TNFAIP8: variants seen among roughly 807,000 people sequenced by gnomAD.
The protein encoded by TNFAIP8 is tumor necrosis factor alpha-induced protein 8.
A neutral mutation model predicts 13.3 loss-of-function variants in TNFAIP8; 7 were observed. The ratio of observed to expected loss-of-function variants is 0.52; its 90% CI spans 0.30 to 0.99. The LOEUF (loss-of-function observed/expected upper bound fraction) is 0.99, where lower values mean the gene tolerates loss of function less well. Among genes scored for constraint, TNFAIP8 ranks in the 50% least tolerant of loss-of-function variants. The pLI is 0.07. For missense variants in TNFAIP8, 258 were observed against 236.9 expected, an observed-to-expected ratio of 1.09 and a Z score of -0.58; for synonymous variants, 94 against 87.6, an observed-to-expected ratio of 1.07 and a Z score of -0.41.
At chr5:119,313,869 C>T (rs1365333381) in intron 1 of TNFAIP8, among the ~76,000 whole-genome samples, 1 of 152,234 alleles carries the variant, frequency 6.6e-6, no homozygotes, top group Non-Finnish European at 1.5e-5. Flanking sequence ...AAAGTGTATG[C>T]TGCTGACCAA....
chr5:119,371,955 G>C (rs1752090758), intron 1 of TNFAIP8, among the ~76,000 whole-genome samples: 1 of 151,610 alleles, frequency 6.6e-6, no homozygotes, highest in African/African-American at 2.4e-5. Context: ...GGATAACACA[G>C]TGAAACCCCG....
At chr5:119,362,213 G>A (rs1003295131) in intron 1 of TNFAIP8, among the ~76,000 whole-genome samples, 14 of 152,182 alleles carry the variant, frequency 9.2e-5, no homozygotes, top group African/African-American at 2.9e-4. Flanking sequence ...AAATGGAGAA[G>A]AGAAAAAGAA....
At chr5:119,324,229 C>G (rs1219959719) in intron 1 of TNFAIP8, among the ~76,000 whole-genome samples, 1 of 127,280 alleles carries the variant, frequency 7.9e-6, no homozygotes, top group African/African-American at 3.0e-5. Flanking sequence ...GAGCCGAGAT[C>G]GCGCCACTGC....
chr5:119,325,786 G>A (rs61683755), intron 1 of TNFAIP8, among the ~76,000 whole-genome samples: 8,727 of 152,140 alleles, frequency 0.057, 854 homozygotes, highest in African/African-American at 0.2. Context: ...CCTTGCTTCC[G>A]TCACTGTAGC....
At position 119,392,898 on chromosome 5, in the gene TNFAIP8, C is replaced by G; in HGVS notation, c.114C>G (p.Ile38Met). Residue 38 changes from isoleucine (I) to methionine (M), a missense_variant, in exon 2 of 2, where the codon ATC (isoleucine) becomes ATG (methionine). Coordinates refer to ENST00000504771, the MANE Select transcript of TNFAIP8 (RefSeq NM_014350.4). ...TGGGTAAAATGGTGTCCAAATCCAT[C>G]GCCACCACCTTAATAGACGACACAA... The part of the protein sequence containing the change: ...KILGKMVSKS[I>M]ATTLIDDTSS... The G allele has an allele frequency of 1.9e-6, 3 of 1,589,632 alleles. No homozygotes were observed. The highest frequency in any genetic ancestry group is 2.6e-6 in the Non-Finnish European group (3 of 1,168,020).
At chr5:119,351,788 C>CTTTTTCTTTTTTTTT (rs1751165710), upstream of TNFAIP8, among the ~76,000 whole-genome samples, 1 of 138,240 alleles carries the variant, frequency 7.2e-6, no homozygotes, top group African/African-American at 3.0e-5. Context: ...TTTTCTTTTT[C>CTTTTTCTTTTTTTTT]TTTTTTTCTT....
At position 119,388,039 on chromosome 5, in the gene TNFAIP8, A is replaced by C. The variant is rs1015774851; in HGVS notation, c.32-4777A>C. On this transcript the variant is annotated intron_variant, in intron 1 of 1. Transcript: ENST00000504771. ...GTTTACATCTTAGTTGCTTCCCAGG[A>C]CATGCCTTAGGTATCCCTCTGGCAC... Among the ~76,000 whole-genome samples the C allele has an allele frequency of 7.9e-5, 12 of 152,348 alleles. No individual in the cohort carries two copies. In the South Asian group the frequency reaches 8.3e-4, roughly 11 times the overall value.
chr5:119,309,388 T>C (rs926082983), intron 1 of TNFAIP8, among the ~76,000 whole-genome samples: 1 of 152,218 alleles, frequency 6.6e-6, no homozygotes, highest in African/African-American at 2.4e-5. Flanking sequence ...ATTTCAATCC[T>C]TTTTTGGTTT....
intron 1 of TNFAIP8, among the ~76,000 whole-genome samples, chr5:119,307,247 T>C (rs1179786538): frequency 6.6e-6 from 1 of 152,242 alleles, no homozygotes; most frequent in East Asian, 1.9e-4. Context: ...TATACTATGG[T>C]TTAAGAATTC....
rs1371078145 is a variant in TNFAIP8 at position 119,397,555 on chromosome 5, C to T, written c.*4174C>T. ...TCTAGGTGATTTGTTAAACTCATAG[C>T]AGGTTTTAGTACACAGTGCTGTTTA... On this transcript the variant is annotated 3_prime_UTR_variant, in exon 2 of 2. Coordinates refer to ENST00000504771, the MANE Select transcript of TNFAIP8 (RefSeq NM_014350.4). The T allele has an allele frequency of 3.3e-5, 5 of 152,188 alleles. No homozygotes were observed. Among genetic ancestry groups the T allele is most frequent in the African/African-American group, 1.2e-4 (5 of 41,442 alleles). The allele number at this position is 152,188 out of a possible 1,614,324, so 9.4% of individuals were successfully genotyped here.
intron 1 of TNFAIP8, chr5:119,333,556 C>A: frequency 6.5e-7 from 1 of 1,535,172 alleles, no homozygotes; most frequent in South Asian, 1.2e-5. Context: ...ATGCATTCCT[C>A]AAGTCTGTAT....
chr5:119,291,036 C>T (rs1310890062), intron 1 of TNFAIP8, among the ~76,000 whole-genome samples: 1 of 152,146 alleles, frequency 6.6e-6, no homozygotes, highest in Non-Finnish European at 1.5e-5. Context: ...CATATTTTAG[C>T]TTTAGTTTGT....
At chr5:119,375,461 T>C in intron 1 of TNFAIP8, among the ~76,000 whole-genome samples, 1 of 152,216 alleles carries the variant, frequency 6.6e-6, no homozygotes, top group East Asian at 1.9e-4. Context: ...ATAACATTGA[T>C]TGGTTGTGTT....
chr5:119,398,866 T>G lies in TNFAIP8; in HGVS notation c.*5485T>G, dbSNP rs1345188029. On this transcript the variant is annotated 3_prime_UTR_variant, in exon 2 of 2. Coordinates refer to ENST00000504771, the MANE Select transcript of TNFAIP8 (RefSeq NM_014350.4). ...GGTTTCGTCTTCCTAGAAATGGACT[T>G]TTATTAGGCCAGCAAGAATGACCAC... is the stretch of plus-strand genomic sequence containing the variant. 6.6e-6 allele frequency: 1 copy of G among 152,184 alleles called. No individual in the cohort carries two copies. The highest frequency in any genetic ancestry group is 6.5e-5 in the Admixed American group (1 of 15,280). The allele number at this position is 152,184 out of a possible 1,614,324, so 9.4% of individuals were successfully genotyped here. A position where few individuals can be genotyped will look rare whatever the true frequency, so the allele number is the denominator to read the frequency against.
At position 119,398,439 on chromosome 5, in the gene TNFAIP8, G is replaced by T. The variant is rs536176798; in HGVS notation, c.*5058G>T. On this transcript the variant is annotated 3_prime_UTR_variant, in exon 2 of 2. Transcript: ENST00000504771. ...CTCATGCCTGTAATCCCAACACTTC[G>T]GGAGACTGAGGTGGGCGGATCACCT... The T allele has an allele frequency of 1.3e-5, 2 of 152,244 alleles. No individual in the cohort carries two copies. The highest frequency in any genetic ancestry group is 4.2e-4 in the South Asian group (2 of 4,818). 9.4% of individuals were successfully genotyped at this position (152,244 alleles called of 1,614,324 possible).
chr5:119,382,547 C>G (rs1752525145), intron 1 of TNFAIP8, among the ~76,000 whole-genome samples: 1 of 152,192 alleles, frequency 6.6e-6, no homozygotes, highest in Non-Finnish European at 1.5e-5. Context: ...TTTACAGTAT[C>G]TACCATAATA....
At chr5:119,371,205 A>G (rs1485672506) in intron 1 of TNFAIP8, among the ~76,000 whole-genome samples, 3 of 152,296 alleles carry the variant, frequency 2.0e-5, no homozygotes, top group East Asian at 1.9e-4. Context: ...AGTATTTGCT[A>G]TAGAATATAC....
intron 1 of TNFAIP8, among the ~76,000 whole-genome samples, chr5:119,335,548 G>A (rs1750525521): frequency 1.3e-5 from 2 of 152,048 alleles, no homozygotes; most frequent in African/African-American, 4.8e-5. Context: ...CCATCCCAAT[G>A]GCAGAGAGAG....
At position 119,333,743 on chromosome 5, in the gene TNFAIP8, G is replaced by A. The variant is rs985404322; in HGVS notation, c.2-59073G>A. The A allele has an allele frequency of 3.1e-6, 3 of 966,926 alleles. No individual in the cohort carries two copies. In the African/African-American group the frequency reaches 4.8e-5, roughly 15 times the overall value. 59.9% of individuals were successfully genotyped at this position (966,926 alleles called of 1,614,324 possible). ...GCTGTCTTCAAGGAAATAATGTTTGGTCGTGGCTTTAGAGCTACTGTGTTC... is the reference window on the plus strand; with the variant it reads ...GCTGTCTTCAAGGAAATAATGTTTGATCGTGGCTTTAGAGCTACTGTGTTC... On this transcript the variant is annotated intron_variant, in intron 1 of 1. Coordinates refer to the TNFAIP8 transcript ENST00000274456.
Sources: gnomAD v4.1 joint callset for allele counts (sites outside exome capture counted in the v4.1 genomes callset) on GRCh38, gnomAD v4.1.1 for gene constraint, MANE v1.5 for transcripts, NCBI Gene and HGNC (gene_info 2026-07-23, HGNC 2026-07-21) for gene names.